RAB3C: variants seen among roughly 807,000 people sequenced by gnomAD.
RAB3C encodes RAB3C, member RAS oncogene family.
Under a neutral mutation model 26.4 loss-of-function variants are expected in RAB3C, and 17 were observed. The ratio of observed to expected loss-of-function variants is 0.64; its 90% CI spans 0.44 to 0.97. The LOEUF (loss-of-function observed/expected upper bound fraction) is 0.97. Ranked by LOEUF, RAB3C falls within the 50% of genes least tolerant of loss-of-function variation. RAB3C has a pLI of 0.00. For synonymous variants in RAB3C, 91 were observed against 95.9 expected (o/e 0.95, Z 0.30); for missense variants, 242 against 281.9 (o/e 0.86, Z 1.01).
At chr5:58,839,532 G>A (rs1914021) in intron 4 of RAB3C, among the ~76,000 whole-genome samples, 9,167 of 151,682 alleles carry the variant, frequency 0.06, 375 homozygotes, top group East Asian at 0.13. Flanking sequence ...CACCATGCCC[G>A]GCTAATTTTG....
chr5:58,640,527 C>T (rs1747393840), intron 2 of RAB3C, among the ~76,000 whole-genome samples: 1 of 152,128 alleles, frequency 6.6e-6, no homozygotes. Flanking sequence ...GAGAGTGCTC[C>T]ATTAAAATTT....
chr5:58,811,681 C>A (rs1014453066), intron 3 of RAB3C, among the ~76,000 whole-genome samples: 1 of 152,010 alleles, frequency 6.6e-6, no homozygotes, highest in Non-Finnish European at 1.5e-5. Flanking sequence ...GGCTGGGAGG[C>A]CAGCTTAACC....
At chr5:58,641,329 G>A (rs1214324085) in intron 2 of RAB3C, among the ~76,000 whole-genome samples, 4 of 152,164 alleles carry the variant, frequency 2.6e-5, no homozygotes, top group South Asian at 2.1e-4. Flanking sequence ...GCCCACTTAC[G>A]AAGGAGAAAA....
At chr5:58,816,142 C>T (rs1419663801) in intron 3 of RAB3C, among the ~76,000 whole-genome samples, 1 of 152,126 alleles carries the variant, frequency 6.6e-6, no homozygotes, top group East Asian at 1.9e-4. Flanking sequence ...TAAGACAAAT[C>T]CCCTCTTAGT....
intron 3 of RAB3C, chr5:58,794,236 G>A (rs1337001071): frequency 6.7e-6 from 1 of 149,090 alleles, no homozygotes; most frequent in African/African-American, 2.5e-5. Context: ...CTTAAATAAT[G>A]CCCCCCATTT....
chr5:58,766,369 G>T (rs1368069248), intron 3 of RAB3C, among the ~76,000 whole-genome samples: 1 of 152,006 alleles, frequency 6.6e-6, no homozygotes, highest in Non-Finnish European at 1.5e-5. Flanking sequence ...ACCCACCTCG[G>T]CCCCCCAAAG....
At chr5:58,693,665 A>T (rs1748626709) in intron 2 of RAB3C, among the ~76,000 whole-genome samples, 3 of 152,192 alleles carry the variant, frequency 2.0e-5, no homozygotes, top group Admixed American at 2.0e-4. Flanking sequence ...AAATCGCCCC[A>T]CACATTCCTC....
At chr5:58,745,861 T>C (rs1406788651) in intron 3 of RAB3C, among the ~76,000 whole-genome samples, 1 of 152,234 alleles carries the variant, frequency 6.6e-6, no homozygotes, top group Non-Finnish European at 1.5e-5. Context: ...TATCCTCATA[T>C]TTCCCAAGGA....
At position 58,855,827 on chromosome 5, in the gene RAB3C, G is replaced by A. The variant is rs2112096488; in HGVS notation, c.*4476G>A. On this transcript the variant is annotated 3_prime_UTR_variant, in exon 5 of 5. Transcript: ENST00000282878. ...ACAGCACTGTATCTAAAGGGCTCTA[G>A]GTTGTAGAAATATAGTACCCCCTAA... 6.6e-6 allele frequency: 1 copy of A among 152,284 alleles called. No homozygotes were observed. Among genetic ancestry groups the A allele is most frequent in the Non-Finnish European group, 1.5e-5 (1 of 68,026 alleles). The allele number at this position is 152,284 out of a possible 1,614,324, so 9.4% of individuals were successfully genotyped here.
At chr5:58,768,930 GAA>G (rs1741966568) in intron 3 of RAB3C, among the ~76,000 whole-genome samples, 3 of 152,144 alleles carry the variant, frequency 2.0e-5, no homozygotes. Flanking sequence ...ATCTAAGAAA[GAA>G]AAGCTGGAAA....
intron 2 of RAB3C, among the ~76,000 whole-genome samples, chr5:58,667,942 T>C (rs1025309562): frequency 8.5e-5 from 13 of 152,134 alleles, no homozygotes; most frequent in Admixed American, 1.3e-4. Flanking sequence ...ATATTCATCC[T>C]CCATTGGGCT....
intron 3 of RAB3C, among the ~76,000 whole-genome samples, chr5:58,783,342 G>A (rs1742309952): frequency 6.6e-6 from 1 of 152,048 alleles, no homozygotes; most frequent in African/African-American, 2.4e-5. Flanking sequence ...AATTTAAATT[G>A]ACATTTCAAT....
intron 1 of RAB3C, among the ~76,000 whole-genome samples, chr5:58,612,536 A>ATATATATG (rs1746734506): frequency 4.1e-5 from 4 of 96,454 alleles, no homozygotes; most frequent in African/African-American, 1.6e-4. Flanking sequence ...ATATATATAT[A>ATATATATG]TATATATATA....
chr5:58,772,938 T>G (rs1742057947), intron 3 of RAB3C, among the ~76,000 whole-genome samples: 2 of 152,150 alleles, frequency 1.3e-5, no homozygotes, highest in African/African-American at 4.8e-5. Context: ...TGTCAGGTTT[T>G]AGGTAGGAAG....
At chr5:58,665,043 C>A (rs1346388546) in intron 2 of RAB3C, among the ~76,000 whole-genome samples, 2 of 152,270 alleles carry the variant, frequency 1.3e-5, no homozygotes, top group Non-Finnish European at 2.9e-5. Context: ...TCTAACGTCA[C>A]CTCCTTAATC....
intron 1 of RAB3C, among the ~76,000 whole-genome samples, chr5:58,610,481 T>A (rs773681915): frequency 2.0e-5 from 3 of 152,110 alleles, no homozygotes; most frequent in Middle Eastern, 3.2e-3. Context: ...GGGTCTTAAT[T>A]TACATTTTCT....
intron 3 of RAB3C, among the ~76,000 whole-genome samples, chr5:58,783,482 C>T (rs1374386413): frequency 6.6e-6 from 1 of 152,094 alleles, no homozygotes; most frequent in East Asian, 1.9e-4. Flanking sequence ...GAATTATAAT[C>T]TTTTATTAGG....
chr5:58,634,053 A>G (rs957933996), intron 2 of RAB3C, among the ~76,000 whole-genome samples: 3 of 151,742 alleles, frequency 2.0e-5, no homozygotes, highest in African/African-American at 7.2e-5. Flanking sequence ...AGGCAGGAGA[A>G]TGGCGTCAAC....
chr5:58,817,915 C>T (rs940838829), intron 3 of RAB3C, among the ~76,000 whole-genome samples: 1 of 152,214 alleles, frequency 6.6e-6, no homozygotes, highest in South Asian at 2.1e-4. Context: ...ACTAAAAAGC[C>T]AAAGCTCCCA....
Sources: allele counts gnomAD v4.1 joint callset (sites outside exome capture counted in the v4.1 genomes callset), GRCh38; gene constraint gnomAD v4.1.1; transcripts MANE v1.5; gene names NCBI Gene and HGNC (gene_info 2026-07-23, HGNC 2026-07-21).